Variants in ROBO1 observed in about 807,000 individuals in gnomAD.
ROBO1 encodes roundabout guidance receptor 1.
A neutral mutation model predicts 195.9 loss-of-function variants in ROBO1; 149 were observed. The ratio of observed to expected loss-of-function variants is 0.76; its 90% CI spans 0.67 to 0.87. The LOEUF (loss-of-function observed/expected upper bound fraction) is 0.87, where lower values mean the gene tolerates loss of function less well. Ranked by LOEUF, ROBO1 falls within the 40% of genes least tolerant of loss-of-function variation. The probability of loss-of-function intolerance (pLI) is 0.00; values close to 1 mark genes in which losing one functional copy is unlikely to be tolerated. For missense variants in ROBO1, 1,933 were observed against 2,068.3 expected (o/e 0.93, Z 1.27); for synonymous variants, 816 against 733.2 (o/e 1.11, Z -1.82).
intron 4 of ROBO1, among the ~76,000 whole-genome samples, chr3:78,864,322 C>T (rs2035031706): frequency 6.6e-6 from 1 of 152,076 alleles, no homozygotes; most frequent in Admixed American, 6.6e-5. Context: ...AATTAATTGC[C>T]TAGTGGAAGC....
chr3:79,531,038 TAA>T lies in ROBO1; in HGVS notation c.88+58784_88+58785del, dbSNP rs1941640010. Among the ~76,000 whole-genome samples, 3 of 152,130 alleles carry T rather than the reference TAA, an allele frequency of 2.0e-5. No individual in the cohort carries two copies. The South Asian group carries it at 6.2e-4, about 32-fold the overall frequency. On this transcript the variant is annotated intron_variant, in intron 2 of 30. Coordinates refer to ENST00000464233, the MANE Select transcript of ROBO1 (RefSeq NM_002941.4). ...CAGCACTCACACACTATTTTTCTCA[TAA>T]GTCAGACTTCATTTCTCCTGGAAAC...
chr3:78,939,049 C>T (rs2107687775), intron 3 of ROBO1, 122 bp from the exon 4 acceptor site: 2 of 804,978 alleles, frequency 2.5e-6, no homozygotes, highest in South Asian at 3.8e-5. Flanking sequence ...AGCCTTCCTA[C>T]CCTATTTACT....
At chr3:78,868,533 A>C (rs1245189615) in intron 4 of ROBO1, among the ~76,000 whole-genome samples, 1 of 152,194 alleles carries the variant, frequency 6.6e-6, no homozygotes, top group Non-Finnish European at 1.5e-5. Flanking sequence ...ACCTTCTTTA[A>C]CAACATAGTC....
intron 2 of ROBO1, among the ~76,000 whole-genome samples, chr3:79,540,150 G>C (rs1051021517): frequency 1.3e-5 from 2 of 151,996 alleles, no homozygotes; most frequent in Admixed American, 6.6e-5. Flanking sequence ...ATTAGAAAAG[G>C]TTATTGTAAT....
At chr3:79,647,880 C>G (rs79220267) in intron 1 of ROBO1, among the ~76,000 whole-genome samples, 6,703 of 152,000 alleles carry the variant, frequency 0.044, 513 homozygotes, top group African/African-American at 0.15. Flanking sequence ...GATAGATTGT[C>G]TTACTTGTTT....
At chr3:79,641,184 T>A (rs1945648137) in intron 1 of ROBO1, among the ~76,000 whole-genome samples, 2 of 152,110 alleles carry the variant, frequency 1.3e-5, no homozygotes, top group Admixed American at 1.3e-4. Flanking sequence ...AGTAATGAGG[T>A]AGAGTATCTG....
At chr3:79,447,546 C>T (rs1343760976) in intron 2 of ROBO1, among the ~76,000 whole-genome samples, 4 of 152,122 alleles carry the variant, frequency 2.6e-5, no homozygotes, top group Non-Finnish European at 4.4e-5. Flanking sequence ...AAATTCCTTG[C>T]TTTATATCTT....
intron 2 of ROBO1, among the ~76,000 whole-genome samples, chr3:79,300,404 C>T (rs1197402909): frequency 2.0e-5 from 3 of 152,196 alleles, no homozygotes; most frequent in African/African-American, 7.2e-5. Flanking sequence ...CCAGCAGTGC[C>T]GGCCCACCGG....
intron 3 of ROBO1, among the ~76,000 whole-genome samples, chr3:79,054,696 A>G (rs1245463071): frequency 1.3e-5 from 2 of 152,128 alleles, no homozygotes; most frequent in Non-Finnish European, 2.9e-5. Flanking sequence ...AAACACGGCC[A>G]AATGCTGCTG....
At chr3:79,173,998 C>G (rs929942980) in intron 2 of ROBO1, among the ~76,000 whole-genome samples, 1 of 152,036 alleles carries the variant, frequency 6.6e-6, no homozygotes, top group African/African-American at 2.4e-5. Context: ...GGATTGCAAA[C>G]GCACCAATCA....
intron 3 of ROBO1, among the ~76,000 whole-genome samples, chr3:79,036,447 T>C (rs1007727260): frequency 6.6e-6 from 1 of 152,188 alleles, no homozygotes; most frequent in African/African-American, 2.4e-5. Context: ...GAGTAGAATA[T>C]ATACTGCCTT....
chr3:79,549,361 G>A (rs1033131157), intron 2 of ROBO1, among the ~76,000 whole-genome samples: 3 of 152,044 alleles, frequency 2.0e-5, no homozygotes, highest in African/African-American at 7.2e-5. Context: ...ATATATAAAT[G>A]AGGACATGGC....
chr3:78,850,108 G>T (rs2033957700), intron 4 of ROBO1, among the ~76,000 whole-genome samples: 2 of 152,036 alleles, frequency 1.3e-5, no homozygotes, highest in South Asian at 2.1e-4. Context: ...TGTGTTCCAG[G>T]CTATATCACC....
intron 2 of ROBO1, among the ~76,000 whole-genome samples, chr3:79,302,844 T>C (rs2033028422): frequency 6.6e-6 from 1 of 152,114 alleles, no homozygotes; most frequent in Non-Finnish European, 1.5e-5. Flanking sequence ...TTTAGTACAG[T>C]TAATTAAGTG....
In ROBO1 at chr3:79,752,554, T is replaced by C. The variant is rs184449140; in HGVS notation, c.-51+15198A>G. Among the ~76,000 whole-genome samples, 78 of 152,254 alleles carry C rather than the reference T, an allele frequency of 5.1e-4. 1 individual carries two copies. The highest frequency in any genetic ancestry group is 1.9e-3 in the Admixed American group (29 of 15,286). ...AGAAATTAGGTGAGGAAGAAAGGTG[T>C]GTGCAGAGGGTGAAAGGTCTCACAA... On this transcript the variant is annotated intron_variant, in intron 1 of 30. Transcript: ENST00000464233.
intron 2 of ROBO1, among the ~76,000 whole-genome samples, chr3:79,219,976 A>G (rs2082110066): frequency 6.6e-6 from 1 of 152,100 alleles, no homozygotes; most frequent in Non-Finnish European, 1.5e-5. Flanking sequence ...TCAGTTAGTG[A>G]TATATATGGT....
chr3:79,049,815 A>T (rs2078662799), intron 3 of ROBO1, among the ~76,000 whole-genome samples: 1 of 152,020 alleles, frequency 6.6e-6, no homozygotes, highest in Non-Finnish European at 1.5e-5. Flanking sequence ...ATAAGTGGAG[A>T]AATAAAATAC....
At chr3:79,034,597 TAGAAG>T (rs1160395247) in intron 3 of ROBO1, among the ~76,000 whole-genome samples, 1 of 152,140 alleles carries the variant, frequency 6.6e-6, no homozygotes, top group East Asian at 1.9e-4. Context: ...AGGATAAAAC[TAGAAG>T]AGGTCTAAAT....
At chr3:79,576,993 T>G (rs1943507466) in intron 2 of ROBO1, among the ~76,000 whole-genome samples, 1 of 152,182 alleles carries the variant, frequency 6.6e-6, no homozygotes, top group Admixed American at 6.5e-5. Context: ...ACTCCTTGTT[T>G]CTTAAACATC....
Sources: gnomAD v4.1 joint callset for allele counts (sites outside exome capture counted in the v4.1 genomes callset) on GRCh38, gnomAD v4.1.1 for gene constraint, MANE v1.5 for transcripts, NCBI Gene and HGNC (gene_info 2026-07-23, HGNC 2026-07-21) for gene names.